POU3F3: variants seen among roughly 807,000 people sequenced by gnomAD.
POU3F3 encodes the protein POU domain, class 3, transcription factor 3.
A neutral mutation model predicts 8.6 loss-of-function variants in POU3F3; 1 was observed. The observed-to-expected ratio is 0.12, with a 90% confidence interval of 0.04 to 0.55. POU3F3 has a LOEUF of 0.55. Among genes scored for constraint, POU3F3 ranks in the 20% least tolerant of loss-of-function variants. The pLI, the probability that POU3F3 is intolerant of heterozygous loss-of-function variation, is 0.91. For synonymous variants in POU3F3, 418 were observed against 327.4 expected (o/e 1.28, Z -2.99); for missense variants, 577 against 690.7 (o/e 0.84, Z 1.84).
rs551459624 is a variant in POU3F3, at chr2:104,854,894, T to G, written c.-617T>G. ...CGGACAAGAGAAGGAGCGGGCCGGT[T>G]GCTGGTCATCCGTAATTTGGCTAAG... On this transcript the variant is annotated 5_prime_UTR_variant, in exon 1 of 1. Transcript: ENST00000361360. The surrounding 1 kb of genome is among the most constrained non-coding windows in gnomAD (Gnocchi z 4.5). 6.6e-6 allele frequency among the ~76,000 whole-genome samples: 1 copy of G among 152,198 alleles called. No individual in the cohort carries two copies. Among genetic ancestry groups the G allele is most frequent in the African/African-American group, 2.4e-5 (1 of 41,452 alleles).
chr2:104,862,282 A>C (rs900442243), downstream of POU3F3, among the ~76,000 whole-genome samples: 2 of 152,150 alleles, frequency 1.3e-5, no homozygotes, highest in African/African-American at 2.4e-5. Context: ...AAGTGACCTC[A>C]GAGGGGTCTG....
chr2:104,885,318 A>G, the POU3F3 span, among the ~76,000 whole-genome samples: 1 of 152,238 alleles, frequency 6.6e-6, no homozygotes, highest in Non-Finnish European at 1.5e-5. Flanking sequence ...GGGTGACTCC[A>G]TCTTGAATAG....
chr2:104,919,012 C>T, the POU3F3 span, among the ~76,000 whole-genome samples: 2 of 151,946 alleles, frequency 1.3e-5, no homozygotes, highest in Non-Finnish European at 2.9e-5. Flanking sequence ...GCTGGGATTA[C>T]AGGCATGCGC....
the POU3F3 span, among the ~76,000 whole-genome samples, chr2:104,922,942 C>T: frequency 6.6e-6 from 1 of 152,120 alleles, no homozygotes; most frequent in Non-Finnish European, 1.5e-5. Context: ...AAATTACCAA[C>T]AGGTTTCTCA....
At chr2:104,868,279 GA>G in the POU3F3 span, 7 of 456,590 alleles carry the variant, frequency 1.5e-5, no homozygotes, top group African/African-American at 1.4e-4. Flanking sequence ...CGGCAGTGAG[GA>G]GCTCAGGGCC....
the POU3F3 span, among the ~76,000 whole-genome samples, chr2:104,896,851 G>C: frequency 3.8e-3 from 584 of 152,370 alleles, 8 homozygotes; most frequent in African/African-American, 0.013. Context: ...TTCCCTTCAT[G>C]TGTGGGATCT....
chr2:104,898,671 A>T, the POU3F3 span, among the ~76,000 whole-genome samples: 2 of 152,222 alleles, frequency 1.3e-5, no homozygotes, highest in African/African-American at 2.4e-5. Context: ...AAGTGTTTTT[A>T]AAAAATAAGA....
the POU3F3 span, among the ~76,000 whole-genome samples, chr2:104,896,691 A>G: frequency 3.8e-3 from 580 of 152,300 alleles, 6 homozygotes; most frequent in African/African-American, 0.013. Flanking sequence ...ATGACACTCC[A>G]CGTCCTGGTC....
chr2:104,927,305 G>A, the POU3F3 span, among the ~76,000 whole-genome samples: 1 of 151,788 alleles, frequency 6.6e-6, no homozygotes, highest in Non-Finnish European at 1.5e-5. Context: ...TCATAACAAC[G>A]AGGTCAGGAA....
the POU3F3 span, among the ~76,000 whole-genome samples, chr2:104,924,193 A>T: frequency 2.0e-5 from 3 of 152,252 alleles, no homozygotes; most frequent in Non-Finnish European, 4.4e-5. Context: ...TTATTTAAAA[A>T]ATCACTCCAG....
the POU3F3 span, among the ~76,000 whole-genome samples, chr2:104,914,873 G>A: frequency 4.5e-3 from 689 of 152,326 alleles, 6 homozygotes; most frequent in African/African-American, 0.016. Context: ...CCCTGAGACC[G>A]TGGTAAAAGC....
rs1676524378 is a variant in POU3F3 at position 104,855,189 on chromosome 2, C to T, written c.-322C>T. Among the ~76,000 whole-genome samples, 1 of 151,662 alleles carries T rather than the reference C, an allele frequency of 6.6e-6. No individual in the cohort carries two copies. The highest frequency in any genetic ancestry group is 2.4e-5 in the African/African-American group (1 of 41,368). On this transcript the variant is annotated 5_prime_UTR_variant, in exon 1 of 1. Coordinates refer to ENST00000361360, the MANE Select transcript of POU3F3 (RefSeq NM_006236.3). ...GAGCGCACCCCGAGAAGCGAGCCCC[C>T]CTCCCCAGAGCGCTGCTCCTGCGGC...
chr2:104,911,832 G>A, the POU3F3 span, among the ~76,000 whole-genome samples: 1 of 152,082 alleles, frequency 6.6e-6, no homozygotes, highest in Non-Finnish European at 1.5e-5. Flanking sequence ...GAGGGAGAGA[G>A]AGAGAGAGAT....
chr2:104,889,064 A>G, the POU3F3 span, among the ~76,000 whole-genome samples: 1 of 152,196 alleles, frequency 6.6e-6, no homozygotes, highest in South Asian at 2.1e-4. Context: ...TAGAAGGCCC[A>G]CCTCCTTAGC....
Position 104,857,073 on chromosome 2 carries a change from ACCGCCGCCGCCCCTG to A in POU3F3, c.*72_*86del, listed in dbSNP as rs1193795965. 10 of 1,164,102 alleles carry A rather than the reference ACCGCCGCCGCCCCTG, an allele frequency of 8.6e-6. No homozygotes were observed. The highest frequency in any genetic ancestry group is 4.6e-5 in the Admixed American group (1 of 21,518). 72.1% of individuals were successfully genotyped at this position (1,164,102 alleles called of 1,614,324 possible). A position where few individuals can be genotyped will look rare whatever the true frequency, so the allele number is the denominator to read the frequency against. On this transcript the variant is annotated 3_prime_UTR_variant, in exon 1 of 1. Coordinates refer to ENST00000361360, the MANE Select transcript of POU3F3 (RefSeq NM_006236.3). ...CGCCGCCTCCGCAGCCGCCGTCAGC[ACCGCCGCCGCCCCTG>A]CCGCCGCCGCCGCCGCCGCCGCCGC...
chr2:104,914,928 C>T, the POU3F3 span, among the ~76,000 whole-genome samples: 952 of 152,150 alleles, frequency 6.3e-3, 5 homozygotes, highest in Middle Eastern at 0.02. Flanking sequence ...CAAAGAGTTG[C>T]GGGGAGCAAG....
rs1164474977 is a variant in POU3F3, at chr2:104,857,119, C to A, written c.*106C>A. 10 of 971,764 alleles carry A rather than the reference C, an allele frequency of 1.0e-5. No homozygotes were observed. Among genetic ancestry groups the A allele is most frequent in the Non-Finnish European group, 1.2e-5 (10 of 819,196 alleles). The allele number at this position is 971,764 out of a possible 1,614,324, so 60.2% of individuals were successfully genotyped here. ...GCCGCCGCCGCCGCCGCCGCCGCTGCCGCCGCCGCGCCGACCCTGCACCTG... is the reference window on the plus strand; with the variant it reads ...GCCGCCGCCGCCGCCGCCGCCGCTGACGCCGCCGCGCCGACCCTGCACCTG... On this transcript the variant is annotated 3_prime_UTR_variant, in exon 1 of 1. Coordinates refer to ENST00000361360, the MANE Select transcript of POU3F3 (RefSeq NM_006236.3).
chr2:104,925,475 C>A, the POU3F3 span, among the ~76,000 whole-genome samples: 2 of 152,116 alleles, frequency 1.3e-5, no homozygotes, highest in East Asian at 3.8e-4. Flanking sequence ...TTAAGTTAAA[C>A]CTCAGATAGA....
the POU3F3 span, among the ~76,000 whole-genome samples, chr2:104,888,480 C>T: frequency 6.6e-6 from 1 of 152,136 alleles, no homozygotes; most frequent in Non-Finnish European, 1.5e-5. Context: ...AGGACATTTT[C>T]TGTTGTTGTT....
Sources: allele counts gnomAD v4.1 joint callset (sites outside exome capture counted in the v4.1 genomes callset), GRCh38; gene constraint gnomAD v4.1.1; non-coding constraint Gnocchi (gnomAD v3.1); transcripts MANE v1.5; gene names NCBI Gene and HGNC (gene_info 2026-07-23, HGNC 2026-07-21).